DNAH11: variants seen among roughly 807,000 people sequenced by gnomAD.
The protein encoded by DNAH11 is dynein axonemal heavy chain 11, also known as axonemal beta dynein heavy chain 11.
In DNAH11, 442 loss-of-function variants were observed where a neutral mutation model predicts 526.0. The observed-to-expected ratio is 0.84, with a 90% CI of 0.78 to 0.91. The LOEUF (loss-of-function observed/expected upper bound fraction) is 0.91. DNAH11 is among the 40% of genes least tolerant of loss of function. DNAH11 has a pLI of 0.00. For synonymous variants in DNAH11, 2,461 were observed against 1,935.9 expected (o/e 1.27, Z -7.12); for missense variants, 6,989 against 5,448.7 (o/e 1.28, Z -8.90).
intron 6 of DNAH11, among the ~76,000 whole-genome samples, chr7:21,569,484 TCTC>T (rs1002761551): frequency 5.3e-5 from 8 of 152,176 alleles, no homozygotes; most frequent in African/African-American, 1.9e-4. Flanking sequence ...CTTTTATCCT[TCTC>T]CTCTCTTCCT....
chr7:21,764,402 GTTAGAGAC>G (rs1298756973), intron 54 of DNAH11, among the ~76,000 whole-genome samples: 1 of 152,156 alleles, frequency 6.6e-6, no homozygotes, highest in Non-Finnish European at 1.5e-5. Flanking sequence ...ATCTCAAAGT[GTTAGAGAC>G]TTAGAGGCAG....
chr7:21,663,230 G>A (rs1286354448), intron 30 of DNAH11, among the ~76,000 whole-genome samples: 1 of 152,072 alleles, frequency 6.6e-6, no homozygotes, highest in African/African-American at 2.4e-5. Context: ...ATCCGTCAGT[G>A]GCCACTTAGG....
intron 30 of DNAH11, among the ~76,000 whole-genome samples, chr7:21,676,460 A>G (rs974464869): frequency 2.0e-5 from 3 of 152,230 alleles, no homozygotes; most frequent in African/African-American, 7.2e-5. Flanking sequence ...CAAATAATAG[A>G]CATTTTATAA....
chr7:21,752,529 T>G (rs1354729488), intron 54 of DNAH11, among the ~76,000 whole-genome samples: 1 of 152,166 alleles, frequency 6.6e-6, no homozygotes, highest in African/African-American at 2.4e-5. Flanking sequence ...TTCCTATTCT[T>G]TTGTTTGTCT....
At position 21,745,012 on chromosome 7, in the gene DNAH11, A is replaced by G. The variant is rs772267453; in HGVS notation, c.8459A>G (p.Glu2820Gly). 22 of 1,610,308 alleles carry G rather than the reference A, an allele frequency of 1.4e-5. No homozygotes were observed. The highest frequency in any genetic ancestry group is 1.7e-5 in the Non-Finnish European group (20 of 1,178,246). Residue 2820 changes from glutamate to glycine, a missense_variant, in exon 51 of 82, where the codon GAA becomes GGA. By Grantham distance (98) the Glu-to-Gly change is moderately conservative (BLOSUM62 -2). Transcript: ENST00000409508. ...ACAGAAACGTTAGACAACTACAATG[A>G]ACTAAATGCTGCCATGCACCTAGTT... ...ILTETLDNYN[E>G]LNAAMHLVLF...
intron 43 of DNAH11, among the ~76,000 whole-genome samples, chr7:21,720,271 C>G (rs895787827): frequency 6.6e-6 from 1 of 152,188 alleles, no homozygotes; most frequent in Non-Finnish European, 1.5e-5. Context: ...AAATAAATGC[C>G]TCTTCATCCA....
At chr7:21,738,235 C>T (rs972951398) in intron 46 of DNAH11, among the ~76,000 whole-genome samples, 1 of 152,166 alleles carries the variant, frequency 6.6e-6, no homozygotes, top group African/African-American at 2.4e-5. Context: ...TCTACACACA[C>T]TGTTCTTGTG....
rs1316540372 is a variant in DNAH11, at chr7:21,817,933, C to T, written c.10569-284C>T. Among the ~76,000 whole-genome samples, 7 of 152,124 alleles carry T rather than the reference C, an allele frequency of 4.6e-5. No individual in the cohort carries two copies. The South Asian group carries it at 1.2e-3, about 27-fold the overall frequency. Reference sequence around the variant, plus strand: ...ATGTATGATAGTTGGATAACTTACACTTATTTCAACTACAGTTGCTATTAC... The same window carrying T: ...ATGTATGATAGTTGGATAACTTACATTTATTTCAACTACAGTTGCTATTAC... On this transcript the variant is annotated intron_variant, in intron 64 of 81. Transcript: ENST00000409508.
chr7:21,718,810 C>T (rs1000996498), intron 43 of DNAH11, among the ~76,000 whole-genome samples: 3 of 152,140 alleles, frequency 2.0e-5, no homozygotes, highest in Admixed American at 6.5e-5. Flanking sequence ...ATTTGTTTGA[C>T]GCAAAATTAG....
chr7:21,816,524 A>G lies in DNAH11; in HGVS notation c.10390A>G (p.Thr3464Ala), dbSNP rs1300642530. 6 of 1,612,526 alleles carry G rather than the reference A, an allele frequency of 3.7e-6. No homozygotes were observed. The highest frequency in any genetic ancestry group is 3.4e-6 in the Non-Finnish European group (4 of 1,179,456). ...GATATCCATGTTGACGGATGATGCT[A>G]CAATTGCCGCCTGGAATAACGAAGG... Reference protein sequence around the residue: ...DLISMLTDDATIAAWNNEGLP... With the variant: ...DLISMLTDDAAIAAWNNEGLP... Residue 3464 changes from threonine (T) to alanine (A), a missense_variant, in exon 64 of 82, where the codon ACA (threonine) becomes GCA (alanine). By Grantham distance (58) the Thr-to-Ala change is moderately conservative. Coordinates refer to ENST00000409508, the MANE Select transcript of DNAH11 (RefSeq NM_001277115.2).
intron 79 of DNAH11, 84 bp downstream of exon 79, chr7:21,895,083 A>C: frequency 9.0e-7 from 1 of 1,115,068 alleles, no homozygotes; most frequent in Non-Finnish European, 1.3e-6. Context: ...CCTAAGAACT[A>C]TGCAGACGGA....
chr7:21,765,899 A>AATGGG (rs1787166284), intron 55 of DNAH11, among the ~76,000 whole-genome samples: 1 of 152,184 alleles, frequency 6.6e-6, no homozygotes. Flanking sequence ...CAGGATCATT[A>AATGGG]CTTCCTTGAA....
intron 28 of DNAH11, among the ~76,000 whole-genome samples, chr7:21,650,977 A>T (rs1052940331): frequency 6.6e-6 from 1 of 151,840 alleles, no homozygotes; most frequent in African/African-American, 2.4e-5. Flanking sequence ...AAACACATGC[A>T]ACTATTTACT....
At chr7:21,726,973 G>T (rs1428290604) in intron 45 of DNAH11, among the ~76,000 whole-genome samples, 2 of 80,368 alleles carry the variant, frequency 2.5e-5, no homozygotes, top group Admixed American at 3.9e-4. Flanking sequence ...TCGCTCTGTC[G>T]CCCAGGCTGG....
In DNAH11 at chr7:21,816,476, C is replaced by G; in HGVS notation, c.10342C>G (p.Pro3448Ala). Residue 3448 changes from proline (P) to alanine (A), a missense_variant, in exon 64 of 82, where the codon CCA (proline) becomes GCA (alanine). Coordinates refer to ENST00000409508, the MANE Select transcript of DNAH11 (RefSeq NM_001277115.2). The stretch of plus-strand genomic sequence containing the variant: ...AACTCTGATTTTAAAGGTTTCCATT[C>G]CACTAACCGAAGGCCTGGACTTGAT... Reference protein sequence around the residue: ...VPFLQQKVSIPLTEGLDLISM... With the variant: ...VPFLQQKVSIALTEGLDLISM... 1 of 1,604,152 alleles carries G rather than the reference C, an allele frequency of 6.2e-7. No individual in the cohort carries two copies. The highest frequency in any genetic ancestry group is 8.5e-7 in the Non-Finnish European group (1 of 1,175,474).
At chr7:21,835,333 T>C (rs1781952297) in intron 65 of DNAH11, among the ~76,000 whole-genome samples, 1 of 151,102 alleles carries the variant, frequency 6.6e-6, no homozygotes, top group Non-Finnish European at 1.5e-5. Context: ...TGGGCCAATA[T>C]GCCTGATAAA....
chr7:21,818,866 T>A (rs1305933437), intron 65 of DNAH11, among the ~76,000 whole-genome samples: 1 of 152,170 alleles, frequency 6.6e-6, no homozygotes, highest in East Asian at 1.9e-4. Context: ...AGTAATGGAT[T>A]GTCAACAACA....
chr7:21,654,689 G>A (rs1008648961), intron 28 of DNAH11, among the ~76,000 whole-genome samples: 2 of 152,074 alleles, frequency 1.3e-5, no homozygotes, highest in African/African-American at 2.4e-5. Flanking sequence ...GCTTTTATTT[G>A]CACCGTGAAT....
chr7:21,785,514 A>G (rs1009617618), intron 58 of DNAH11, among the ~76,000 whole-genome samples: 4 of 152,218 alleles, frequency 2.6e-5, no homozygotes, highest in Non-Finnish European at 2.9e-5. Context: ...ATTTTATATG[A>G]CTAATTCTTT....
Sources: allele counts gnomAD v4.1 joint callset (sites outside exome capture counted in the v4.1 genomes callset), GRCh38; gene constraint gnomAD v4.1.1; transcripts MANE v1.5; gene names NCBI Gene and HGNC (gene_info 2026-07-23, HGNC 2026-07-21).